Variants in APBB2 observed in about 807,000 individuals in gnomAD.
The protein encoded by APBB2 is Fe65-like 1.
A neutral mutation model predicts 82.5 loss-of-function variants in APBB2; 38 were observed. That is an observed-to-expected ratio of 0.46 (90% confidence interval 0.36 to 0.60). The LOEUF (loss-of-function observed/expected upper bound fraction) is 0.60. Ranked by LOEUF, APBB2 falls within the 20% of genes least tolerant of loss-of-function variation. The probability of loss-of-function intolerance (pLI) is 0.00; values close to 1 mark genes in which losing one functional copy is unlikely to be tolerated. For synonymous variants in APBB2, 341 were observed against 368.2 expected (o/e 0.93, Z 0.85); for missense variants, 772 against 972.3 (o/e 0.79, Z 2.74).
chr4:40,822,344 C>T (rs114913227), intron 16 of APBB2: 4,463 of 299,646 alleles, frequency 0.015, 174 homozygotes, highest in African/African-American at 0.088. Context: ...GGGACAGTGC[C>T]GTCCATACTT....
In APBB2 at chr4:40,823,665, A is replaced by G; in HGVS notation, c.1911T>C (p.Thr637=). The G allele has an allele frequency of 6.2e-7, 1 of 1,612,920 alleles. No homozygotes were observed. Among genetic ancestry groups the G allele is most frequent in the East Asian group, 2.2e-5 (1 of 44,888 alleles). ...LSVNMNVADA[T]VTVISEKNEE... ...TCACCTTTTCACTGATGACAGTCAC[A>G]GTGGCATCAGCCACGTTCATGTTCA... Residue 637 remains threonine (T), a synonymous_variant, in exon 16 of 18, where the codon ACT becomes ACC. Transcript: ENST00000508593.
At chr4:41,171,333 T>G (rs779748328) in intron 1 of APBB2, among the ~76,000 whole-genome samples, 7 of 152,200 alleles carry the variant, frequency 4.6e-5, no homozygotes, top group Non-Finnish European at 8.8e-5. Context: ...CCAAGGACCA[T>G]TCTGCAGCCT....
chr4:41,197,619 T>C, intron 1 of APBB2, among the ~76,000 whole-genome samples: 1 of 152,214 alleles, frequency 6.6e-6, no homozygotes, highest in African/African-American at 2.4e-5. Flanking sequence ...CTGCTGTACC[T>C]GCCAACGTCT....
At chr4:41,021,908 C>T (rs570291898) in intron 5 of APBB2, among the ~76,000 whole-genome samples, 17 of 152,170 alleles carry the variant, frequency 1.1e-4, no homozygotes, top group East Asian at 7.7e-4. Context: ...CAACTCCGGA[C>T]GCACCACCTT....
chr4:40,821,909 C>T lies in APBB2; in HGVS notation c.2074G>A (p.Ala692Thr). ...TGCACCGCCTCAGACACGTTACCAG[C>T]ATTAGGCTCGCACCAGAAAACGTGG... ...ECHVFWCEPN[A>T]GNVSEAVQAA... Residue 692 changes from alanine (A) to threonine (T), a missense_variant, in exon 17 of 18, where the codon GCT becomes ACT. By Grantham distance (58) the Ala-to-Thr change is moderately conservative. Transcript: ENST00000508593. 6.2e-7 allele frequency: 1 copy of T among 1,613,974 alleles called. No homozygotes were observed. Among genetic ancestry groups the T allele is most frequent in the Non-Finnish European group, 8.5e-7 (1 of 1,180,042 alleles).
chr4:40,911,288 G>A (rs909687965), intron 10 of APBB2, among the ~76,000 whole-genome samples: 2 of 152,142 alleles, frequency 1.3e-5, no homozygotes, highest in African/African-American at 4.8e-5. Flanking sequence ...ATACTCGGGG[G>A]TCCTGGCATC....
intron 13 of APBB2, among the ~76,000 whole-genome samples, chr4:40,828,309 G>A (rs909465006): frequency 6.6e-5 from 10 of 152,154 alleles, no homozygotes; most frequent in South Asian, 2.1e-4. Context: ...TACATACAGT[G>A]CTGTGGGTTT....
At chr4:40,820,405 C>T (rs1243669099) in intron 17 of APBB2, among the ~76,000 whole-genome samples, 3 of 152,250 alleles carry the variant, frequency 2.0e-5, no homozygotes, top group East Asian at 1.9e-4. Context: ...TGGCTCATGC[C>T]GGTAATCCCA....
intron 4 of APBB2, among the ~76,000 whole-genome samples, chr4:41,061,025 A>G (rs559652625): frequency 1.8e-4 from 27 of 152,326 alleles, no homozygotes; most frequent in African/African-American, 4.3e-4. Context: ...GGGACACACT[A>G]AACATTTTCA....
chr4:40,881,015 GA>G (rs1768325586), intron 12 of APBB2: 1 of 985,260 alleles, frequency 1.0e-6, no homozygotes, highest in African/African-American at 1.7e-5. Flanking sequence ...AATCACTTAC[GA>G]TGTCTTTCCT....
chr4:40,835,590 C>G (rs1253513473), intron 12 of APBB2, among the ~76,000 whole-genome samples: 1 of 152,232 alleles, frequency 6.6e-6, no homozygotes, highest in Non-Finnish European at 1.5e-5. Context: ...TGGTGAGGCT[C>G]AGGTGCCGCT....
At chr4:40,818,530 C>T (rs761614592) in intron 17 of APBB2, among the ~76,000 whole-genome samples, 8 of 152,160 alleles carry the variant, frequency 5.3e-5, no homozygotes, top group Admixed American at 1.3e-4. Context: ...TAGTTGTCAT[C>T]CATTTTCGCT....
rs62413761 is a variant in APBB2 at position 41,034,268 on chromosome 4, C to A, written c.-50-964G>T. Among the ~76,000 whole-genome samples the A allele has an allele frequency of 9.7e-3, 1,470 of 152,100 alleles. 11 individuals carry two copies. Among genetic ancestry groups the A allele is most frequent in the Non-Finnish European group, 0.015 (1,019 of 67,940 alleles). On this transcript the variant is annotated intron_variant, in intron 4 of 17. Coordinates refer to ENST00000508593, the MANE Select transcript of APBB2 (RefSeq NM_004307.2). ...ATAATACACCCATACAATGAAGTAC[C>A]ATGCTGCCCTTAGGAAAAATGAAGT...
At chr4:41,119,000 G>A (rs1001458242) in intron 2 of APBB2, among the ~76,000 whole-genome samples, 4 of 152,006 alleles carry the variant, frequency 2.6e-5, no homozygotes, top group Admixed American at 6.6e-5. Flanking sequence ...TTAGCCAGGC[G>A]TTGTAGTGCG....
intron 12 of APBB2, chr4:40,857,110 G>A (rs758328682): frequency 1.8e-4 from 176 of 985,352 alleles, no homozygotes; most frequent in Non-Finnish European, 2.0e-4. Flanking sequence ...ACCAGCCAGC[G>A]GTGCCGTCGC....
At chr4:40,875,747 G>C (rs758596874) in intron 12 of APBB2, among the ~76,000 whole-genome samples, 1 of 152,030 alleles carries the variant, frequency 6.6e-6, no homozygotes, top group Non-Finnish European at 1.5e-5. Context: ...TGGGAGAGTA[G>C]TTGTTAATTT....
chr4:40,850,848 G>C (rs939308851), intron 12 of APBB2, among the ~76,000 whole-genome samples: 2 of 152,186 alleles, frequency 1.3e-5, no homozygotes, highest in African/African-American at 4.8e-5. Flanking sequence ...AGGAGGCTGA[G>C]GCAGGAGAAC....
chr4:41,200,622 T>C (rs1181653484), intron 1 of APBB2, among the ~76,000 whole-genome samples: 2 of 151,862 alleles, frequency 1.3e-5, no homozygotes, highest in Non-Finnish European at 2.9e-5. Flanking sequence ...AAATAACTGA[T>C]TTTTTTTTCC....
At position 40,832,301 on chromosome 4, in the gene APBB2, C is replaced by G. The variant is rs1577777639; in HGVS notation, c.1530-1724G>C. Among the ~76,000 whole-genome samples, 1 of 152,154 alleles carries G rather than the reference C, an allele frequency of 6.6e-6. No homozygotes were observed. The highest frequency in any genetic ancestry group is 2.4e-5 in the African/African-American group (1 of 41,420). The stretch of plus-strand genomic sequence containing the variant: ...CATCGTGAAGGTCTGGCCGGAAAAC[C>G]CTGCCTCGCAACCTCACCTCGCCAT... On this transcript the variant is annotated intron_variant, in intron 12 of 17. Transcript: ENST00000508593. The surrounding 1 kb of genome is among the most constrained non-coding windows in gnomAD (Gnocchi z 4.8).
Sources: gnomAD v4.1 joint callset for allele counts (sites outside exome capture counted in the v4.1 genomes callset) on GRCh38, gnomAD v4.1.1 for gene constraint, Gnocchi (gnomAD v3.1) non-coding constraint, MANE v1.5 for transcripts, NCBI Gene and HGNC (gene_info 2026-07-23, HGNC 2026-07-21) for gene names.